Variants in GABRB1 observed in about 807,000 individuals in gnomAD.
GABRB1 encodes the protein gamma-aminobutyric acid receptor subunit beta-1.
A neutral mutation model predicts 51.6 loss-of-function variants in GABRB1; 17 were observed. The ratio of observed to expected loss-of-function variants is 0.33; its 90% CI spans 0.23 to 0.49. The LOEUF (loss-of-function observed/expected upper bound fraction) is 0.49. Ranked by LOEUF, GABRB1 falls within the 20% of genes least tolerant of loss-of-function variation. The pLI is 0.99. For missense variants in GABRB1, 410 were observed against 600.6 expected, an observed-to-expected ratio of 0.68 and a Z score of 3.32; for synonymous variants, 247 against 218.9, an observed-to-expected ratio of 1.13 and a Z score of -1.14.
At chr4:47,394,724 C>T (rs1372478741) in intron 5 of GABRB1, among the ~76,000 whole-genome samples, 4 of 151,532 alleles carry the variant, frequency 2.6e-5, no homozygotes, top group Non-Finnish European at 5.9e-5. Context: ...AGGCATTTTT[C>T]ATCACATTAA....
At chr4:47,053,921 T>C (rs1577864102) in intron 3 of GABRB1, among the ~76,000 whole-genome samples, 1 of 152,196 alleles carries the variant, frequency 6.6e-6, no homozygotes, top group African/African-American at 2.4e-5. Flanking sequence ...TCACTGATTG[T>C]TGCACGTGCA....
intron 8 of GABRB1, among the ~76,000 whole-genome samples, chr4:47,411,698 T>A (rs1409171498): frequency 6.6e-6 from 1 of 152,204 alleles, no homozygotes; most frequent in Non-Finnish European, 1.5e-5. Flanking sequence ...TTATGTAAGA[T>A]GTAATCAGTT....
chr4:47,252,121 C>G (rs911650675), intron 4 of GABRB1, among the ~76,000 whole-genome samples: 1 of 141,496 alleles, frequency 7.1e-6, no homozygotes, highest in African/African-American at 2.6e-5. Flanking sequence ...CTCTGGATGC[C>G]CTCCAGATGG....
chr4:47,033,718 T>G (rs1201974016), intron 3 of GABRB1, among the ~76,000 whole-genome samples: 1 of 152,196 alleles, frequency 6.6e-6, no homozygotes, highest in Non-Finnish European at 1.5e-5. Flanking sequence ...TGTCTATAGC[T>G]TATTGAATAG....
At chr4:47,099,009 A>C (rs1412492125) in intron 3 of GABRB1, among the ~76,000 whole-genome samples, 1 of 152,098 alleles carries the variant, frequency 6.6e-6, no homozygotes, top group Non-Finnish European at 1.5e-5. Flanking sequence ...TTTTCCCTTC[A>C]TTAGCGCAAG....
At chr4:47,032,128 G>GGACACACA (rs1553910577) in intron 2 of GABRB1, 123 bp downstream of exon 2, 6 of 583,568 alleles carry the variant, frequency 1.0e-5, no homozygotes, top group African/African-American at 4.0e-5. Context: ...TATACCCTGG[G>GGACACACA]CACACACACA....
At chr4:47,084,584 G>A (rs1319835782) in intron 3 of GABRB1, among the ~76,000 whole-genome samples, 2 of 152,156 alleles carry the variant, frequency 1.3e-5, no homozygotes, top group Admixed American at 1.3e-4. Context: ...ATACCTAGAA[G>A]CACTTAACAT....
intron 3 of GABRB1, among the ~76,000 whole-genome samples, chr4:47,104,138 A>G (rs1042648334): frequency 2.0e-5 from 3 of 151,700 alleles, no homozygotes; most frequent in Non-Finnish European, 4.4e-5. Flanking sequence ...GGTTTTCTCA[A>G]GATTTTTGAG....
At chr4:46,995,301 C>T (rs1056656034) in intron 1 of GABRB1, among the ~76,000 whole-genome samples, 4 of 152,136 alleles carry the variant, frequency 2.6e-5, no homozygotes, top group African/African-American at 9.7e-5. Flanking sequence ...TCCAAATATG[C>T]CATGAAAGCA....
At chr4:47,400,973 G>A (rs1272720036) in intron 5 of GABRB1, among the ~76,000 whole-genome samples, 1 of 135,060 alleles carries the variant, frequency 7.4e-6, no homozygotes, top group Non-Finnish European at 1.5e-5. Flanking sequence ...GTGTCACCCA[G>A]GCTGGAGTGC....
At chr4:47,176,168 T>A (rs1280088665) in intron 4 of GABRB1, among the ~76,000 whole-genome samples, 1 of 152,132 alleles carries the variant, frequency 6.6e-6, no homozygotes, top group African/African-American at 2.4e-5. Flanking sequence ...ATTATACCCA[T>A]TACTTAGTTC....
intron 1 of GABRB1, among the ~76,000 whole-genome samples, chr4:47,001,294 C>T (rs371585865): frequency 0.015 from 2,349 of 151,802 alleles, 64 homozygotes; most frequent in African/African-American, 0.053. Flanking sequence ...AGGCGCCCCC[C>T]ACCACGCCCA....
At chr4:47,228,862 G>C (rs544550474) in intron 4 of GABRB1, among the ~76,000 whole-genome samples, 1 of 152,108 alleles carries the variant, frequency 6.6e-6, no homozygotes, top group Non-Finnish European at 1.5e-5. Context: ...TTAATGGAAA[G>C]GGACTTTGCA....
chr4:47,397,374 T>C (rs998681506), intron 5 of GABRB1, among the ~76,000 whole-genome samples: 6 of 152,224 alleles, frequency 3.9e-5, no homozygotes, highest in African/African-American at 1.4e-4. Flanking sequence ...TCTTAAGCTA[T>C]CTTTTCCCCA....
chr4:47,153,003 C>A (rs1167111564), intron 3 of GABRB1, among the ~76,000 whole-genome samples: 1 of 151,954 alleles, frequency 6.6e-6, no homozygotes, highest in Non-Finnish European at 1.5e-5. Context: ...AAAAGTGGAA[C>A]CACTCTGAGT....
chr4:47,125,123 G>A (rs954521282), intron 3 of GABRB1, among the ~76,000 whole-genome samples: 1 of 152,076 alleles, frequency 6.6e-6, no homozygotes, highest in Non-Finnish European at 1.5e-5. Flanking sequence ...TGAGTCTATC[G>A]CAGATTTCTC....
chr4:47,370,630 G>T (rs1049500164), intron 5 of GABRB1, among the ~76,000 whole-genome samples: 1 of 152,196 alleles, frequency 6.6e-6, no homozygotes, highest in Non-Finnish European at 1.5e-5. Flanking sequence ...TAGGGTTTCT[G>T]TGTAATTGCT....
intron 3 of GABRB1, among the ~76,000 whole-genome samples, chr4:47,075,683 A>G (rs533348672): frequency 5.1e-4 from 77 of 152,328 alleles, no homozygotes; most frequent in African/African-American, 1.8e-3. Flanking sequence ...CACAGAAATT[A>G]CTACTTGCCA....
chr4:47,098,685 T>C (rs1714578387), intron 3 of GABRB1, among the ~76,000 whole-genome samples: 1 of 152,106 alleles, frequency 6.6e-6, no homozygotes, highest in South Asian at 2.1e-4. Context: ...TCACTATGAC[T>C]CAGGCTAGTA....
Sources: allele counts gnomAD v4.1 joint callset (sites outside exome capture counted in the v4.1 genomes callset), GRCh38; gene constraint gnomAD v4.1.1; transcripts MANE v1.5; gene names NCBI Gene and HGNC (gene_info 2026-07-23, HGNC 2026-07-21).